The following NRAP variants were observed in gnomAD, a reference collection of about 807,000 sequenced individuals.
The protein encoded by NRAP is nebulin related anchoring protein.
NRAP carries 189 observed loss-of-function variants against 225.9 expected under a neutral mutation model. The observed-to-expected ratio is 0.84, with a 90% CI of 0.74 to 0.94. NRAP has a LOEUF of 0.94. Ranked by LOEUF, NRAP falls within the 40% of genes least tolerant of loss-of-function variation. The probability of loss-of-function intolerance (pLI) is 0.00; values close to 1 mark genes in which losing one functional copy is unlikely to be tolerated. For missense variants in NRAP, 2,176 were observed against 2,168.7 expected, an observed-to-expected ratio of 1.00 and a Z score of -0.07; for synonymous variants, 769 against 790.7, an observed-to-expected ratio of 0.97 and a Z score of 0.46.
rs756747515 is a variant in NRAP at position 113,653,011 on chromosome 10, C to T, written c.494G>A (p.Arg165Lys). The change falls in exon 6 of 42, where the codon AGG (arginine) becomes AAG (lysine). Residue 165 changes from arginine (R) to lysine (K), a missense_variant. Physicochemically the swap from Arg to Lys is conservative, Grantham distance 26 (BLOSUM62 2). This residue lies in a region of NRAP where 1,708 missense variants were observed against 1,695.5 expected (regional missense o/e 1.01). Transcript: ENST00000359988. ...CATGGCTGGAAAGCTCCCCTTGCCC[C>T]TGGGTTGCTCATAGTCTTCTGTATA... is the stretch of plus-strand genomic sequence containing the variant. ...EEYTEDYEQP[R>K]GKGSFPAMIT... is the part of the protein sequence containing the mutation. The T allele has an allele frequency of 2.5e-6, 4 of 1,612,320 alleles. No individual in the cohort carries two copies. The highest frequency in any genetic ancestry group is 1.1e-5 in the South Asian group (1 of 90,742).
chr10:113,638,323 T>C (rs1267601648), intron 14 of NRAP, among the ~76,000 whole-genome samples: 1 of 152,170 alleles, frequency 6.6e-6, no homozygotes, highest in Admixed American at 6.5e-5. Flanking sequence ...TCAGTCTACA[T>C]TTTGAAGGTT....
intron 8 of NRAP, 95 bp downstream of exon 8, chr10:113,650,343 G>A (rs1293463293): frequency 1.3e-5 from 12 of 956,594 alleles, no homozygotes. Flanking sequence ...CTGGCTTCAG[G>A]GTAAATGCAA....
Position 113,631,837 on chromosome 10 carries a change from G to A in NRAP, c.1740+20C>T. 1.3e-6 allele frequency: 2 copies of A among 1,482,560 alleles called. No individual in the cohort carries two copies. Among genetic ancestry groups the A allele is most frequent in the Non-Finnish European group, 1.9e-6 (2 of 1,060,464 alleles). The allele number at this position is 1,482,560 out of a possible 1,614,324, so 91.8% of individuals were successfully genotyped here. On this transcript the variant is annotated intron_variant, in intron 17 of 41. Transcript: ENST00000359988. Reference sequence around the variant, plus strand: ...GGAACCATTTCTTATGCATTCCTGAGTTAATGAGAGGAAACGTACATTGCT... The same window carrying A: ...GGAACCATTTCTTATGCATTCCTGAATTAATGAGAGGAAACGTACATTGCT...
chr10:113,595,521 C>T, intron 38 of NRAP, 102 bp downstream of exon 38: 1 of 701,192 alleles, frequency 1.4e-6, no homozygotes, highest in Non-Finnish European at 2.5e-6. Flanking sequence ...GTTCCAAGTC[C>T]TCCTTCCTAG....
At position 113,614,299 on chromosome 10, in the gene NRAP, A is replaced by T. The variant is rs111980929; in HGVS notation, c.3187-3T>A. On this transcript the variant is annotated splice_region_variant and splice_polypyrimidine_tract_variant and intron_variant, in intron 28 of 41. Coordinates refer to ENST00000359988, the MANE Select transcript of NRAP (RefSeq NM_198060.4). ...TCAAATGCCTCTTTGTATTTGTACT[A>T]AAGGGAAAGAGAGCGGGAGAGAGGA... 3 of 1,592,040 alleles carry T rather than the reference A, an allele frequency of 1.9e-6. No homozygotes were observed. The South Asian group carries it at 3.3e-5, about 18-fold the overall frequency.
intron 12 of NRAP, among the ~76,000 whole-genome samples, 171 bp downstream of exon 12, chr10:113,642,763 A>C (rs113657113): frequency 1.3e-5 from 2 of 152,314 alleles, no homozygotes; most frequent in East Asian, 1.9e-4. Context: ...ATTGAACACT[A>C]TGAGGACCAA....
At chr10:113,659,457 T>C (rs572905540) in intron 3 of NRAP, among the ~76,000 whole-genome samples, 3 of 152,226 alleles carry the variant, frequency 2.0e-5, no homozygotes, top group African/African-American at 4.8e-5. Flanking sequence ...AAGACCAAAA[T>C]AGATATTCTG....
intron 14 of NRAP, among the ~76,000 whole-genome samples, chr10:113,639,146 T>C (rs1849053661): frequency 8.8e-6 from 1 of 113,742 alleles, no homozygotes; most frequent in East Asian, 3.2e-4. Context: ...AAGTTTAACT[T>C]TGTGAAATGA....
At position 113,651,670 on chromosome 10, in the gene NRAP, C is replaced by T. The variant is rs115018914; in HGVS notation, c.675+133G>A. 2,853 of 612,466 alleles carry T rather than the reference C, an allele frequency of 4.7e-3. 56 individuals are homozygous for T. In the African/African-American group the frequency reaches 0.047, roughly 10 times the overall value. The allele number at this position is 612,466 out of a possible 1,614,324, so 37.9% of individuals were successfully genotyped here. On this transcript the variant is annotated intron_variant, in intron 7 of 41. Transcript: ENST00000359988. Reference sequence around the variant, plus strand: ...TCTGTGTCCCTGCAAAGGACATGATCTTGTTCCTTTTTATCATTCTATTAT... The same window carrying T: ...TCTGTGTCCCTGCAAAGGACATGATTTTGTTCCTTTTTATCATTCTATTAT...
At chr10:113,595,534 C>A (rs975845274) in intron 38 of NRAP, 89 bp downstream of exon 38, 4 of 723,522 alleles carry the variant, frequency 5.5e-6, no homozygotes, top group African/African-American at 5.4e-5. Context: ...CTTCCTAGAA[C>A]TTTTTTTTTT....
chr10:113,599,058 CCTCT>C (rs1189146610), intron 35 of NRAP, among the ~76,000 whole-genome samples: 2 of 152,200 alleles, frequency 1.3e-5, no homozygotes, highest in South Asian at 2.1e-4. Flanking sequence ...GTGGAAAAAG[CCTCT>C]CTAAGAAAAT....
At position 113,614,092 on chromosome 10, in the gene NRAP, T is replaced by C. The variant is rs2419850; in HGVS notation, c.3300+91A>G. On this transcript the variant is annotated intron_variant, in intron 29 of 41. Coordinates refer to ENST00000359988, the MANE Select transcript of NRAP (RefSeq NM_198060.4). ...AAGTTAGCAACAGAACCAATACCCA[T>C]GTCCAGAAGGACAAATGAGGTTAGG... 743,901 of 825,936 alleles carry C rather than the reference T, an allele frequency of 0.9. 335,551 individuals are homozygous for C. The highest frequency in any genetic ancestry group is 0.93 in the Admixed American group (52,566 of 56,578). The allele number at this position is 825,936 out of a possible 1,614,324, so 51.2% of individuals were successfully genotyped here. A position where few individuals can be genotyped will look rare whatever the true frequency, so the allele number is the denominator to read the frequency against.
rs1564758696 is a variant in NRAP, at chr10:113,651,889, G to A, written c.589C>T (p.His197Tyr). 6.2e-7 allele frequency: 1 copy of A among 1,611,756 alleles called. No individual in the cohort carries two copies. The highest frequency in any genetic ancestry group is 2.2e-5 in the East Asian group (1 of 44,850). The change falls in exon 7 of 42, where the codon CAT becomes TAT. Residue 197 changes from histidine (H) to tyrosine (Y), a missense_variant. By Grantham distance (83) the His-to-Tyr change is moderately conservative. Coordinates refer to ENST00000359988, the MANE Select transcript of NRAP (RefSeq NM_198060.4). ...GAGAACCTGGAGATGCGTTCATCAT[G>A]CCCTCTCTTATACTCCACCTGATGA... is the stretch of plus-strand genomic sequence containing the variant. The part of the protein sequence containing the change: ...LASQVEYKRG[H>Y]DERISRFSTV...
chr10:113,648,924 G>C (rs1409954054), intron 9 of NRAP, among the ~76,000 whole-genome samples: 1 of 152,170 alleles, frequency 6.6e-6, no homozygotes, highest in Non-Finnish European at 1.5e-5. Context: ...CTGGTAGATA[G>C]GATTGGCCAA....
At chr10:113,603,588 G>A (rs868113163) in intron 35 of NRAP, among the ~76,000 whole-genome samples, 3 of 152,072 alleles carry the variant, frequency 2.0e-5, no homozygotes, top group African/African-American at 7.2e-5. Flanking sequence ...GAGAGTCGGC[G>A]GTGGTTACAG....
At chr10:113,643,079 C>A (rs375588198) in intron 11 of NRAP, 41 bp from the exon 12 acceptor site, 2 of 970,826 alleles carry the variant, frequency 2.1e-6, no homozygotes, top group East Asian at 4.8e-5. Flanking sequence ...GAACCAAATC[C>A]GAAGTCACTC....
intron 35 of NRAP, among the ~76,000 whole-genome samples, chr10:113,600,155 T>TTCTCTCTC (rs10529111): frequency 0.017 from 2,334 of 140,246 alleles, 37 homozygotes; most frequent in African/African-American, 0.03. Context: ...AGGGGTTATA[T>TTCTCTCTC]TCTCTCTCTC....
At chr10:113,601,158 T>C (rs1846575395) in intron 35 of NRAP, among the ~76,000 whole-genome samples, 1 of 152,040 alleles carries the variant, frequency 6.6e-6, no homozygotes, top group Non-Finnish European at 1.5e-5. Context: ...GCATCTCAGG[T>C]GAATTTCTGA....
chr10:113,609,574 A>G (rs1847200034), intron 31 of NRAP, among the ~76,000 whole-genome samples: 1 of 152,224 alleles, frequency 6.6e-6, no homozygotes, highest in East Asian at 1.9e-4. Flanking sequence ...ATTTTTACCA[A>G]GAAATTATCA....
Sources: gnomAD v4.1 joint callset for allele counts (sites outside exome capture counted in the v4.1 genomes callset) on GRCh38, gnomAD v4.1.1 for gene constraint, gnomAD v4.1.1 regional missense constraint, MANE v1.5 for transcripts, NCBI Gene and HGNC (gene_info 2026-07-23, HGNC 2026-07-21) for gene names.